Variants in ASXL2 observed in about 807,000 individuals in gnomAD.
ASXL2 encodes putative Polycomb group protein ASXL2.
Under a neutral mutation model 122.0 loss-of-function variants are expected in ASXL2, and 23 were observed. The observed-to-expected ratio is 0.19, with a 90% confidence interval of 0.14 to 0.27. The LOEUF is 0.27. Ranked by LOEUF, ASXL2 falls within the 10% of genes least tolerant of loss-of-function variation. The pLI is 1.00. For missense variants in ASXL2, 1,518 were observed against 1,713.8 expected, an observed-to-expected ratio of 0.89 and a Z score of 2.02; for synonymous variants, 650 against 637.0, an observed-to-expected ratio of 1.02 and a Z score of -0.31.
intron 1 of ASXL2, among the ~76,000 whole-genome samples, chr2:25,871,651 G>A (rs2089962942): frequency 6.6e-6 from 1 of 152,196 alleles, no homozygotes; most frequent in Admixed American, 6.5e-5. Context: ...GAGTGCAATG[G>A]CACGATCTCG....
intron 12 of ASXL2, among the ~76,000 whole-genome samples, chr2:25,747,470 C>T (rs2087960675): frequency 1.3e-5 from 2 of 152,060 alleles, no homozygotes; most frequent in South Asian, 4.1e-4. Flanking sequence ...AAAGACACTT[C>T]TGGAGAAGTC....
At chr2:25,829,124 TG>T (rs1055093339) in intron 3 of ASXL2, among the ~76,000 whole-genome samples, 6 of 152,146 alleles carry the variant, frequency 3.9e-5, no homozygotes, top group Admixed American at 3.9e-4. Context: ...AGGCCAGATG[TG>T]GCAGTGTACA....
chr2:25,787,564 C>G (rs914385829), intron 5 of ASXL2, among the ~76,000 whole-genome samples: 2 of 152,144 alleles, frequency 1.3e-5, no homozygotes, highest in African/African-American at 2.4e-5. Flanking sequence ...AAATCCTAGA[C>G]ACTTCAAAGA....
chr2:25,850,280 A>C (rs1463875707), intron 1 of ASXL2, among the ~76,000 whole-genome samples: 19 of 152,158 alleles, frequency 1.2e-4, no homozygotes, highest in Non-Finnish European at 2.8e-4. Context: ...CACTTTTTTT[A>C]AACAGTTGGT....
intron 5 of ASXL2, among the ~76,000 whole-genome samples, chr2:25,796,440 G>T (rs534379481): frequency 4.7e-4 from 72 of 152,286 alleles, no homozygotes; most frequent in African/African-American, 1.6e-3. Flanking sequence ...TAAATATTGG[G>T]ATAAACAAGA....
At position 25,738,509 on chromosome 2, in the gene ASXL2, G is replaced by A. The variant is rs1419813423; in HGVS notation, c.*3520C>T. ...GAGACTTTTCCCTCCTTGCTATGAT[G>A]TGAAACCTCTAGGTCAAAGAGAAAA... On this transcript the variant is annotated 3_prime_UTR_variant, in exon 13 of 13. Transcript: ENST00000435504. 6.6e-6 allele frequency: 1 copy of A among 152,146 alleles called. No individual in the cohort carries two copies. Among genetic ancestry groups the A allele is most frequent in the African/African-American group, 2.4e-5 (1 of 41,436 alleles). 9.4% of individuals were successfully genotyped at this position (152,146 alleles called of 1,614,324 possible).
chr2:25,763,327 T>C (rs1043254644), intron 8 of ASXL2, among the ~76,000 whole-genome samples: 2 of 151,972 alleles, frequency 1.3e-5, no homozygotes, highest in African/African-American at 4.8e-5. Context: ...CTGTCTCTAC[T>C]AAAAATACAA....
chr2:25,767,831 T>C (rs2088380195), intron 7 of ASXL2, 105 bp from the exon 8 acceptor site: 1 of 1,291,326 alleles, frequency 7.7e-7, no homozygotes, highest in South Asian at 1.3e-5. Flanking sequence ...TATGAGGCAA[T>C]GTGACCCTCC....
intron 3 of ASXL2, among the ~76,000 whole-genome samples, chr2:25,834,438 AT>A (rs992137669): frequency 6.6e-6 from 1 of 152,188 alleles, no homozygotes; most frequent in Non-Finnish European, 1.5e-5. Context: ...TACCTATTTT[AT>A]TTTTTAATTA....
chr2:25,832,292 A>G (rs964840803), intron 3 of ASXL2, among the ~76,000 whole-genome samples: 1 of 152,274 alleles, frequency 6.6e-6, no homozygotes, highest in Admixed American at 6.5e-5. Context: ...AATGATTATC[A>G]GCAGACTGTG....
At chr2:25,857,088 G>GGT (rs1227457704) in intron 1 of ASXL2, 20 of 83,604 alleles carry the variant, frequency 2.4e-4, no homozygotes, top group African/African-American at 8.5e-4. Context: ...TTTTGGGGGG[G>GGT]GCGGGGGGGG....
chr2:25,830,248 T>C (rs578160084), intron 3 of ASXL2, among the ~76,000 whole-genome samples: 124 of 152,264 alleles, frequency 8.1e-4, no homozygotes, highest in African/African-American at 2.9e-3. Context: ...ATAGCCAAAA[T>C]ATCCAGGGTT....
intron 1 of ASXL2, among the ~76,000 whole-genome samples, chr2:25,874,042 A>G (rs145648668): frequency 2.5e-4 from 38 of 152,324 alleles, no homozygotes; most frequent in African/African-American, 8.7e-4. Flanking sequence ...AATTTTGAAC[A>G]TAGTTCTAAA....
intron 1 of ASXL2, among the ~76,000 whole-genome samples, chr2:25,865,478 C>T (rs1225661112): frequency 1.3e-5 from 2 of 149,652 alleles, no homozygotes; most frequent in Non-Finnish European, 3.0e-5. Context: ...TTTTTAAATC[C>T]AAATATAGGC....
chr2:25,753,649 A>G lies in ASXL2; in HGVS notation c.1037-10T>C. On this transcript the variant is annotated splice_polypyrimidine_tract_variant and intron_variant, in intron 10 of 12. Coordinates refer to ENST00000435504, the MANE Select transcript of ASXL2 (RefSeq NM_018263.6). ...TCAGGTGTAAACTCACCTGCAATGTACCCAAAAAAGGATATTCAATAGAAA... is the reference window on the plus strand; with the variant it reads ...TCAGGTGTAAACTCACCTGCAATGTGCCCAAAAAAGGATATTCAATAGAAA... The G allele has an allele frequency of 6.3e-7, 1 of 1,592,178 alleles. No homozygotes were observed. Among genetic ancestry groups the G allele is most frequent in the East Asian group, 2.2e-5 (1 of 44,754 alleles).
chr2:25,743,553 G>A lies in ASXL2; in HGVS notation c.2784C>T (p.Thr928=). ...CATTCATGTTTAAAGAAGTTCCTGG[G>A]GTTTTAAGGCTAGAAGCTGCTGGCA... ...STLPAASSLK[T]PGTSLNMNGP... is the part of the protein sequence containing the mutation. The change falls in exon 13 of 13, where the codon ACC becomes ACT. Residue 928 remains threonine (T), a synonymous_variant. Coordinates refer to ENST00000435504, the MANE Select transcript of ASXL2 (RefSeq NM_018263.6). The A allele has an allele frequency of 3.1e-6, 5 of 1,614,002 alleles. No individual in the cohort carries two copies. The highest frequency in any genetic ancestry group is 4.2e-6 in the Non-Finnish European group (5 of 1,179,898).
rs143621865 is a variant in ASXL2, at chr2:25,779,687, G to A, written c.404-8147C>T. On this transcript the variant is annotated intron_variant, in intron 5 of 12. Transcript: ENST00000435504. ...ATACTTGTTTGCTTTCTTATTTCTA[G>A]GAAGTACATTAAAAATTTTAAATTA... Among the ~76,000 whole-genome samples, 17 of 152,094 alleles carry A rather than the reference G, an allele frequency of 1.1e-4. No homozygotes were observed. In the East Asian group the frequency reaches 3.3e-3, roughly 29 times the overall value.
At chr2:25,806,194 T>C (rs1241671958) in intron 4 of ASXL2, 35 bp downstream of exon 4, 3 of 1,408,238 alleles carry the variant, frequency 2.1e-6, no homozygotes, top group Admixed American at 3.7e-5. Flanking sequence ...CTTCCTGTTT[T>C]TTCTTTCTAA....
chr2:25,835,578 A>T, intron 2 of ASXL2, 38 bp from the exon 3 acceptor site: 1 of 258,996 alleles, frequency 3.9e-6, no homozygotes, highest in Non-Finnish European at 8.4e-6. Context: ...TGAAAGAAGG[A>T]AAAAAAAAGC....
Sources: allele counts gnomAD v4.1 joint callset (sites outside exome capture counted in the v4.1 genomes callset), GRCh38; gene constraint gnomAD v4.1.1; transcripts MANE v1.5; gene names NCBI Gene and HGNC (gene_info 2026-07-23, HGNC 2026-07-21).